ACVR1C: variants seen among roughly 807,000 people sequenced by gnomAD.
The protein encoded by ACVR1C is activin A receptor type 1C.
In ACVR1C, 23 loss-of-function variants were observed where a neutral mutation model predicts 57.9. The ratio of observed to expected loss-of-function variants is 0.40; its 90% confidence interval spans 0.29 to 0.56. The LOEUF (loss-of-function observed/expected upper bound fraction) is 0.56. ACVR1C is among the 20% of genes least tolerant of loss of function. ACVR1C has a pLI of 0.50. For synonymous variants in ACVR1C, 214 were observed against 215.3 expected, an observed-to-expected ratio of 0.99 and a Z score of 0.05; for missense variants, 480 against 607.9, an observed-to-expected ratio of 0.79 and a Z score of 2.21.
intron 2 of ACVR1C, among the ~76,000 whole-genome samples, chr2:157,564,958 G>C (rs1345200622): frequency 1.3e-5 from 2 of 152,088 alleles, no homozygotes; most frequent in African/African-American, 4.8e-5. Flanking sequence ...GACCTGTCAG[G>C]GGGTGGAGGG....
rs188879667 is a variant in ACVR1C, at chr2:157,584,798, T to G, written c.304+2389A>C. On this transcript the variant is annotated intron_variant, in intron 2 of 8. Coordinates refer to ENST00000243349, the MANE Select transcript of ACVR1C (RefSeq NM_145259.3). Reference sequence around the variant, plus strand: ...TGTACGTGAATGCTCATAACAGCTTTGCGAATAACAGCCCCACATGGAAAC... The same window carrying G: ...TGTACGTGAATGCTCATAACAGCTTGGCGAATAACAGCCCCACATGGAAAC... Among the ~76,000 whole-genome samples the G allele has an allele frequency of 1.8e-3, 272 of 152,356 alleles. 2 individuals are homozygous for G. The highest frequency in any genetic ancestry group is 6.3e-3 in the African/African-American group (263 of 41,582).
chr2:157,547,293 T>C (rs1190886653), intron 4 of ACVR1C, among the ~76,000 whole-genome samples: 1 of 104,086 alleles, frequency 9.6e-6, no homozygotes, highest in Admixed American at 1.1e-4. Flanking sequence ...TGCATGTGTC[T>C]TTATAGCAGC....
intron 7 of ACVR1C, among the ~76,000 whole-genome samples, chr2:157,539,445 T>A (rs780865672): frequency 6.6e-6 from 1 of 152,200 alleles, no homozygotes; most frequent in Non-Finnish European, 1.5e-5. Flanking sequence ...GCTTTTAACT[T>A]AAAATATGTA....
intron 3 of ACVR1C, among the ~76,000 whole-genome samples, chr2:157,555,775 G>A (rs918493363): frequency 2.6e-5 from 4 of 152,180 alleles, no homozygotes; most frequent in Non-Finnish European, 4.4e-5. Flanking sequence ...AACAGTGATT[G>A]TTAGTAACCA....
At chr2:157,538,744 TAAAC>T in intron 7 of ACVR1C, 41 bp from the exon 8 acceptor site, 1 of 1,431,228 alleles carries the variant, frequency 7.0e-7, no homozygotes, top group Non-Finnish European at 9.2e-7. Flanking sequence ...GTGCAAATAA[TAAAC>T]AAACATGTCT....
In ACVR1C at chr2:157,609,045, T is replaced by C. The variant is rs150820898; in HGVS notation, c.73+19527A>G. 2.1e-3 allele frequency among the ~76,000 whole-genome samples: 318 copies of C among 151,876 alleles called. 2 individuals are homozygous for C. Among genetic ancestry groups the C allele is most frequent in the South Asian group, 5.6e-3 (27 of 4,822 alleles). On this transcript the variant is annotated intron_variant, in intron 1 of 8. Coordinates refer to ENST00000243349, the MANE Select transcript of ACVR1C (RefSeq NM_145259.3). ...GGGTTTGGTTTGCTCTTGAGGTTCA[T>C]TGAGGTGCCTTGTTAGGTTATTTTA...
At position 157,526,808 on chromosome 2, in the gene ACVR1C, T is replaced by G. The variant is rs762910573; in HGVS notation, c.*7110A>C. 4 of 152,192 alleles carry G rather than the reference T, an allele frequency of 2.6e-5. No individual in the cohort carries two copies. Among genetic ancestry groups the G allele is most frequent in the African/African-American group, 4.8e-5 (2 of 41,448 alleles). 9.4% of individuals were successfully genotyped at this position (152,192 alleles called of 1,614,324 possible). On this transcript the variant is annotated 3_prime_UTR_variant, in exon 9 of 9. Transcript: ENST00000243349. ...TTATTTAAAATAGAGTTCTATATGCTTCACAGAAACAAGTGCAAGAAGTGC... is the reference window on the plus strand; with the variant it reads ...TTATTTAAAATAGAGTTCTATATGCGTCACAGAAACAAGTGCAAGAAGTGC...
intron 2 of ACVR1C, among the ~76,000 whole-genome samples, chr2:157,581,156 G>A (rs796662370): frequency 2.6e-5 from 4 of 151,840 alleles, no homozygotes; most frequent in African/African-American, 9.7e-5. Context: ...TTTTAAATAC[G>A]GGCTTCAAAA....
intron 1 of ACVR1C, among the ~76,000 whole-genome samples, chr2:157,614,394 A>G (rs1281316991): frequency 6.6e-6 from 1 of 152,162 alleles, no homozygotes; most frequent in Non-Finnish European, 1.5e-5. Flanking sequence ...TTAAAAATGT[A>G]TTAGGTTTGT....
At chr2:157,546,776 A>T (rs980439518) in intron 4 of ACVR1C, among the ~76,000 whole-genome samples, 3 of 152,148 alleles carry the variant, frequency 2.0e-5, no homozygotes, top group Admixed American at 6.5e-5. Context: ...TTACACAAGC[A>T]TGGGTACAAT....
chr2:157,601,000 A>G (rs1469846671), intron 1 of ACVR1C, among the ~76,000 whole-genome samples: 1 of 152,178 alleles, frequency 6.6e-6, no homozygotes, highest in Non-Finnish European at 1.5e-5. Flanking sequence ...TTAGACTTCT[A>G]GGAATTGTCA....
chr2:157,557,795 A>C (rs1384205639), intron 2 of ACVR1C, among the ~76,000 whole-genome samples: 1 of 152,182 alleles, frequency 6.6e-6, no homozygotes, highest in Non-Finnish European at 1.5e-5. Flanking sequence ...AAACACATGA[A>C]GCCAATTTTT....
intron 4 of ACVR1C, among the ~76,000 whole-genome samples, chr2:157,548,189 G>C (rs1227114463): frequency 1.1e-4 from 17 of 150,690 alleles, no homozygotes; most frequent in African/African-American, 3.7e-4. Context: ...TGGCTTCAAA[G>C]AGAATAAAAT....
intron 1 of ACVR1C, among the ~76,000 whole-genome samples, chr2:157,612,064 C>T (rs1682547712): frequency 6.6e-6 from 1 of 152,138 alleles, no homozygotes; most frequent in South Asian, 2.1e-4. Context: ...ATAGCAGTGG[C>T]CACAACAATG....
At chr2:157,595,879 C>T (rs931092529) in intron 1 of ACVR1C, among the ~76,000 whole-genome samples, 1 of 152,188 alleles carries the variant, frequency 6.6e-6, no homozygotes, top group African/African-American at 2.4e-5. Context: ...AATGTCACCC[C>T]CTCAGAGAAA....
At chr2:157,620,640 T>C (rs935336786) in intron 1 of ACVR1C, among the ~76,000 whole-genome samples, 26 of 152,302 alleles carry the variant, frequency 1.7e-4, no homozygotes, top group African/African-American at 5.8e-4. Flanking sequence ...TAATTGTATA[T>C]ATTTATGGGA....
chr2:157,564,314 T>G (rs950722479), intron 2 of ACVR1C, among the ~76,000 whole-genome samples: 4 of 152,194 alleles, frequency 2.6e-5, no homozygotes, highest in South Asian at 2.1e-4. Context: ...GAACAGACAC[T>G]TCTCAGAAGA....
chr2:157,604,404 G>T lies in ACVR1C; in HGVS notation c.74-16987C>A, dbSNP rs374716737. Among the ~76,000 whole-genome samples the T allele has an allele frequency of 4.6e-5, 7 of 152,052 alleles. No individual in the cohort carries two copies. In the East Asian group the frequency reaches 1.2e-3, roughly 25 times the overall value. On this transcript the variant is annotated intron_variant, in intron 1 of 8. Transcript: ENST00000243349. ...TTTGCATTTGGTTTAAGGTATTTGAGATTTATTCACCATGTTGCACACATC... is the reference window on the plus strand; with the variant it reads ...TTTGCATTTGGTTTAAGGTATTTGATATTTATTCACCATGTTGCACACATC...
In ACVR1C at chr2:157,557,449, T is replaced by G. The variant is rs115699594; in HGVS notation, c.305-1117A>C. Among the ~76,000 whole-genome samples, 1,166 of 152,220 alleles carry G rather than the reference T, an allele frequency of 7.7e-3. 14 individuals carry two copies. The highest frequency in any genetic ancestry group is 0.027 in the African/African-American group (1,113 of 41,526). On this transcript the variant is annotated intron_variant, in intron 2 of 8. Coordinates refer to ENST00000243349, the MANE Select transcript of ACVR1C (RefSeq NM_145259.3). Reference sequence around the variant, plus strand: ...CTTATTTCCCATTCCCTGTACACTCTCAAGACCCTTGTCCTGCTTGATTTT... The same window carrying G: ...CTTATTTCCCATTCCCTGTACACTCGCAAGACCCTTGTCCTGCTTGATTTT...
Sources: gnomAD v4.1 joint callset for allele counts (sites outside exome capture counted in the v4.1 genomes callset) on GRCh38, gnomAD v4.1.1 for gene constraint, MANE v1.5 for transcripts, NCBI Gene and HGNC (gene_info 2026-07-23, HGNC 2026-07-21) for gene names.